Variants in ATRX observed in about 807,000 individuals in gnomAD.
The protein encoded by ATRX is chromatin remodeler ATRX.
A neutral mutation model predicts 172.6 loss-of-function variants in ATRX; 12 were observed. That is an observed-to-expected ratio of 0.07 (90% CI 0.04 to 0.11). The LOEUF (loss-of-function observed/expected upper bound fraction) is 0.11. Among genes scored for constraint, ATRX ranks in the 10% least tolerant of loss-of-function variants. The probability of loss-of-function intolerance (pLI) is 1.00; values close to 1 mark genes in which losing one functional copy is unlikely to be tolerated. For synonymous variants in ATRX, 674 were observed against 594.7 expected (o/e 1.13, Z -1.94); for missense variants, 1,368 against 1,767.4 (o/e 0.77, Z 4.05).
chrX:77,701,136 T>C (rs1356851517), intron 2 of ATRX, among the ~76,000 whole-genome samples: 2 of 112,276 alleles, frequency 1.8e-5, no homozygotes, highest in African/African-American at 6.5e-5. Flanking sequence ...ATGCTGTGCA[T>C]GTGTGGAAGC....
At chrX:77,513,244 G>A (rs2062935372) in intron 34 of ATRX, among the ~76,000 whole-genome samples, 1 of 103,423 alleles carries the variant, frequency 9.7e-6, no homozygotes, top group East Asian at 3.1e-4. Context: ...CTGAACCCGG[G>A]AGGCGGAGCT....
chrX:77,649,814 C>T (rs377129122), intron 15 of ATRX, among the ~76,000 whole-genome samples: 30 of 112,021 alleles, frequency 2.7e-4, no homozygotes, highest in African/African-American at 8.8e-4. Context: ...ACTATAAGTC[C>T]AATAAAACTC....
intron 1 of ATRX, among the ~76,000 whole-genome samples, chrX:77,719,682 G>A (rs782340232): frequency 3.6e-5 from 4 of 111,450 alleles, no homozygotes; most frequent in African/African-American, 1.3e-4. Context: ...AGAACATAAA[G>A]CAAGTTCTTA....
intron 10 of ATRX, among the ~76,000 whole-genome samples, chrX:77,669,526 G>A (rs1380779789): frequency 3.6e-5 from 4 of 111,110 alleles, no homozygotes; most frequent in Non-Finnish European, 3.8e-5. Context: ...CTTTCACCAT[G>A]TTGACCAGGA....
At chrX:77,593,931 C>A in intron 25 of ATRX, 82 bp from the exon 26 acceptor site, 1 of 964,551 alleles carries the variant, frequency 1.0e-6, no homozygotes, top group East Asian at 3.1e-5. Context: ...AAGACCTACC[C>A]ATGGGGAGAG....
At chrX:77,610,193 A>G (rs1396070582) in intron 22 of ATRX, among the ~76,000 whole-genome samples, 4 of 111,782 alleles carry the variant, frequency 3.6e-5, no homozygotes, top group Admixed American at 9.5e-5. Context: ...AAATAGTTTT[A>G]CCCCTTCCAT....
At chrX:77,529,740 C>T (rs1257982645) in intron 30 of ATRX, among the ~76,000 whole-genome samples, 1 of 111,864 alleles carries the variant, frequency 8.9e-6, no homozygotes, top group African/African-American at 3.3e-5. Context: ...TATGAAGCAA[C>T]CACACAAACA....
intron 1 of ATRX, among the ~76,000 whole-genome samples, chrX:77,757,447 T>TA (rs1557190759): frequency 8.9e-6 from 1 of 111,798 alleles, no homozygotes; most frequent in African/African-American, 3.2e-5. Flanking sequence ...TCTCCGAAAC[T>TA]AAAAAATATC....
intron 1 of ATRX, among the ~76,000 whole-genome samples, chrX:77,738,558 CTTTTT>C (rs781834798): frequency 3.0e-4 from 22 of 73,529 alleles, no homozygotes; most frequent in African/African-American, 9.9e-4. Flanking sequence ...TCTTTTGTGT[CTTTTT>C]TTTTTTTTTT....
chrX:77,662,532 T>G (rs1267925845), intron 12 of ATRX, among the ~76,000 whole-genome samples: 2 of 112,053 alleles, frequency 1.8e-5, no homozygotes, highest in Non-Finnish European at 1.9e-5. Context: ...CTTTATAATC[T>G]AAAGGTTAAA....
At chrX:77,688,630 TC>T (rs782510031) in intron 7 of ATRX, among the ~76,000 whole-genome samples, 187 bp downstream of exon 7, 6 of 111,778 alleles carry the variant, frequency 5.4e-5, no homozygotes, top group Non-Finnish European at 1.1e-4. Context: ...TCCGGTGTGC[TC>T]CCATAATCAC....
intron 30 of ATRX, among the ~76,000 whole-genome samples, chrX:77,528,902 A>C (rs782090841): frequency 8.9e-6 from 1 of 112,167 alleles, no homozygotes; most frequent in South Asian, 3.7e-4. Context: ...CAAGGCAAAG[A>C]AGCTAAGAAT....
At chrX:77,772,372 T>C (rs1246877242) in intron 1 of ATRX, among the ~76,000 whole-genome samples, 1 of 106,577 alleles carries the variant, frequency 9.4e-6, no homozygotes, top group Non-Finnish European at 1.9e-5. Flanking sequence ...TGGCTCACTC[T>C]TGTAATCCCA....
chrX:77,633,975 G>T (rs2068227414), intron 17 of ATRX: 4 of 320,206 alleles, frequency 1.2e-5, no homozygotes, highest in Non-Finnish European at 2.2e-5. Flanking sequence ...TAAGTCCTAG[G>T]TCTCCACAGA....
Position 77,523,115 on chromosome X carries a change from G to C in ATRX, c.6849+137C>G. On this transcript the variant is annotated intron_variant, in intron 31 of 34. Transcript: ENST00000373344. ...GGTAGCTGAAACCAACCCATAAAGA[G>C]ATTCTTGTAATTGGGGAATGTGTTC... 3.5e-6 allele frequency: 3 copies of C among 851,272 alleles called. No individual in the cohort carries two copies. In the South Asian group the frequency reaches 6.8e-5, roughly 19 times the overall value. The allele number at this position is 851,272 out of a possible 1,213,427, so 70.2% of individuals were successfully genotyped here.
chrX:77,595,820 A>C (rs2066446668), intron 25 of ATRX: 1 of 111,658 alleles, frequency 9.0e-6, no homozygotes, highest in Non-Finnish European at 1.9e-5. Context: ...ATTAGTACTA[A>C]TATTACGGCT....
chrX:77,745,965 C>T (rs1277516379), intron 1 of ATRX, among the ~76,000 whole-genome samples: 2 of 110,900 alleles, frequency 1.8e-5, no homozygotes, highest in Admixed American at 9.7e-5. Context: ...TCATCCAGCC[C>T]CAGTTAGAAT....
intron 15 of ATRX, among the ~76,000 whole-genome samples, chrX:77,649,019 C>T (rs899587836): frequency 6.3e-5 from 7 of 110,403 alleles, no homozygotes; most frequent in Non-Finnish European, 9.5e-5. Flanking sequence ...AAAAAATTAA[C>T]CAGGTATGGT....
At chrX:77,663,665 T>C in intron 11 of ATRX, 107 bp from the exon 12 acceptor site, 1 of 635,779 alleles carries the variant, frequency 1.6e-6, no homozygotes, top group Admixed American at 3.0e-5. Flanking sequence ...AAATCAGAGT[T>C]AGACACATAC....
Sources: gnomAD v4.1 joint callset for allele counts (sites outside exome capture counted in the v4.1 genomes callset) on GRCh38, gnomAD v4.1.1 for gene constraint, MANE v1.5 for transcripts, NCBI Gene and HGNC (gene_info 2026-07-23, HGNC 2026-07-21) for gene names.